Variants in VGLL3 observed in about 807,000 individuals in gnomAD.
VGLL3 encodes vestigial like family member 3.
In VGLL3, 18 loss-of-function variants were observed where a neutral mutation model predicts 29.2. The observed-to-expected ratio is 0.62, with a 90% CI of 0.43 to 0.91. The LOEUF is 0.91. Ranked by LOEUF, VGLL3 falls within the 40% of genes least tolerant of loss-of-function variation. The probability of loss-of-function intolerance (pLI) is 0.00; values close to 1 mark genes in which losing one functional copy is unlikely to be tolerated. For missense variants in VGLL3, 440 were observed against 413.2 expected (o/e 1.06, Z -0.56); for synonymous variants, 180 against 151.8 (o/e 1.19, Z -1.36).
At chr3:86,952,867 C>T (rs956729564) in intron 3 of VGLL3, among the ~76,000 whole-genome samples, 3 of 152,074 alleles carry the variant, frequency 2.0e-5, no homozygotes, top group Admixed American at 6.6e-5. Context: ...CAAAAAGGTG[C>T]GAGAGACAGT....
intron 3 of VGLL3, among the ~76,000 whole-genome samples, chr3:86,960,844 G>A (rs1239607488): frequency 2.0e-5 from 3 of 151,220 alleles, no homozygotes; most frequent in Non-Finnish European, 4.4e-5. Context: ...TTTTTTGAGA[G>A]GCAAAAGGTA....
At chr3:86,947,114 T>C (rs1263971809) in intron 3 of VGLL3, 47 bp from the exon 4 acceptor site, 2 of 778,332 alleles carry the variant, frequency 2.6e-6, no homozygotes, top group African/African-American at 1.7e-5. Flanking sequence ...TTAATACATA[T>C]GGTACCAAAA....
Position 86,943,755 on chromosome 3 carries a change from C to T in VGLL3, c.*3269G>A, listed in dbSNP as rs558416779. 1 of 152,020 alleles carries T rather than the reference C, an allele frequency of 6.6e-6. No homozygotes were observed. The highest frequency in any genetic ancestry group is 6.6e-5 in the Admixed American group (1 of 15,260). The allele number at this position is 152,020 out of a possible 1,614,324, so 9.4% of individuals were successfully genotyped here. On this transcript the variant is annotated 3_prime_UTR_variant, in exon 4 of 4. Transcript: ENST00000398399. ...GCTCTTTCAAATTAATAATGAGAGACAAAATAATCTGTTAGGTTCCTGATT... is the reference window on the plus strand; with the variant it reads ...GCTCTTTCAAATTAATAATGAGAGATAAAATAATCTGTTAGGTTCCTGATT...
intron 1 of VGLL3, among the ~76,000 whole-genome samples, chr3:86,980,129 T>C (rs1351853710): frequency 6.9e-6 from 1 of 144,338 alleles, no homozygotes; most frequent in Admixed American, 6.9e-5. Context: ...GATCATACCT[T>C]TTTTTTTTTT....
At chr3:86,985,442 A>T (rs1705421079) in intron 1 of VGLL3, among the ~76,000 whole-genome samples, 1 of 152,242 alleles carries the variant, frequency 6.6e-6, no homozygotes, top group Admixed American at 6.5e-5. Context: ...AATTTAAGTC[A>T]TTCTTCTTTT....
At chr3:86,971,493 A>T (rs529784789) in intron 2 of VGLL3, among the ~76,000 whole-genome samples, 1 of 152,330 alleles carries the variant, frequency 6.6e-6, no homozygotes, top group South Asian at 2.1e-4. Flanking sequence ...TTCAAAAGGC[A>T]AAGAATGGAA....
rs1704420785 is a variant in VGLL3, at chr3:86,942,517, A to G, written c.*4507T>C. 1 of 152,176 alleles carries G rather than the reference A, an allele frequency of 6.6e-6. No individual in the cohort carries two copies. The highest frequency in any genetic ancestry group is 1.5e-5 in the Non-Finnish European group (1 of 68,038). 9.4% of individuals were successfully genotyped at this position (152,176 alleles called of 1,614,324 possible). A position where few individuals can be genotyped will look rare whatever the true frequency, so the allele number is the denominator to read the frequency against. On this transcript the variant is annotated 3_prime_UTR_variant, in exon 4 of 4. Coordinates refer to ENST00000398399, the MANE Select transcript of VGLL3 (RefSeq NM_016206.4). ...CCAACTTTCCTTCAAGTCAAGTAAA[A>G]ATAAAAAAAAATTGGATAACTTCAA...
intron 2 of VGLL3, 55 bp downstream of exon 2, chr3:86,978,471 G>A (rs1705253512): frequency 6.3e-7 from 1 of 1,578,376 alleles, no homozygotes; most frequent in Admixed American, 1.7e-5. Flanking sequence ...ACCTGGTACA[G>A]GCAGTTGCGA....
At chr3:86,960,969 A>T (rs1248942148) in intron 3 of VGLL3, among the ~76,000 whole-genome samples, 3 of 146,136 alleles carry the variant, frequency 2.1e-5, no homozygotes, top group Non-Finnish European at 4.5e-5. Context: ...ATATATATGC[A>T]TATGATGTTG....
intron 3 of VGLL3, among the ~76,000 whole-genome samples, chr3:86,965,472 C>T (rs1463653916): frequency 3.3e-5 from 5 of 152,118 alleles, no homozygotes; most frequent in Admixed American, 3.3e-4. Flanking sequence ...CCCTTCCTAG[C>T]TTGGTCCTAC....
intron 3 of VGLL3, among the ~76,000 whole-genome samples, chr3:86,949,231 C>G (rs191540503): frequency 6.6e-6 from 1 of 152,116 alleles, no homozygotes; most frequent in Non-Finnish European, 1.5e-5. Context: ...TAAGATCGCC[C>G]CAGATTTTCC....
At chr3:86,975,105 G>A (rs562129986) in intron 2 of VGLL3, among the ~76,000 whole-genome samples, 49 of 152,292 alleles carry the variant, frequency 3.2e-4, no homozygotes, top group Admixed American at 7.2e-4. Flanking sequence ...GGAAGTTGAT[G>A]TAAGAGATTT....
At chr3:86,986,195 G>T (rs1705437975) in intron 1 of VGLL3, among the ~76,000 whole-genome samples, 1 of 152,012 alleles carries the variant, frequency 6.6e-6, no homozygotes, top group South Asian at 2.1e-4. Context: ...CCGGCTTTGT[G>T]AGATGTGAAA....
chr3:86,978,890 T>C, intron 1 of VGLL3, 88 bp from the exon 2 acceptor site: 1 of 1,386,452 alleles, frequency 7.2e-7, no homozygotes, highest in South Asian at 1.5e-5. Context: ...AAAAAAAGAA[T>C]CTAAATATTA....
At chr3:86,966,281 TC>T (rs763195856) in intron 3 of VGLL3, among the ~76,000 whole-genome samples, 9 of 152,058 alleles carry the variant, frequency 5.9e-5, no homozygotes, top group Admixed American at 2.0e-4. Flanking sequence ...CTCTAGATTT[TC>T]CCCAGAACTG....
At chr3:86,985,982 A>C (rs1279837418) in intron 1 of VGLL3, among the ~76,000 whole-genome samples, 2 of 151,982 alleles carry the variant, frequency 1.3e-5, no homozygotes, top group Non-Finnish European at 2.9e-5. Flanking sequence ...TTTTATTCCC[A>C]TTGAAAATTC....
chr3:86,977,416 T>C (rs1239164003), intron 2 of VGLL3, among the ~76,000 whole-genome samples: 1 of 152,212 alleles, frequency 6.6e-6, no homozygotes, highest in East Asian at 1.9e-4. Flanking sequence ...ACTGCTCACC[T>C]GGCCCTGCCC....
At position 86,946,798 on chromosome 3, in the gene VGLL3, G is replaced by C. The variant is rs563625974; in HGVS notation, c.*226C>G. On this transcript the variant is annotated 3_prime_UTR_variant, in exon 4 of 4. Coordinates refer to ENST00000398399, the MANE Select transcript of VGLL3 (RefSeq NM_016206.4). ...AACAAAAGGAGAGAGTTGCACAGTT[G>C]GCAAAGGCTCAGATGAGGAAATAAA... 1.7e-4 allele frequency: 75 copies of C among 454,378 alleles called. 3 individuals are homozygous for C. The South Asian group carries it at 3.3e-3, about 20-fold the overall frequency. 28.1% of individuals were successfully genotyped at this position (454,378 alleles called of 1,614,324 possible). A position where few individuals can be genotyped will look rare whatever the true frequency, so the allele number is the denominator to read the frequency against.
chr3:86,944,389 G>A lies in VGLL3; in HGVS notation c.*2635C>T, dbSNP rs1244444103. ...GCCTCCAGAGTAGCTGGGACAACAG[G>A]TGTGCCCCACAATGCCCAGGTAATT... On this transcript the variant is annotated 3_prime_UTR_variant, in exon 4 of 4. Coordinates refer to ENST00000398399, the MANE Select transcript of VGLL3 (RefSeq NM_016206.4). The A allele has an allele frequency of 6.6e-6, 1 of 152,414 alleles. No homozygotes were observed. Among genetic ancestry groups the A allele is most frequent in the African/African-American group, 2.4e-5 (1 of 41,440 alleles). 9.4% of individuals were successfully genotyped at this position (152,414 alleles called of 1,614,324 possible). A position where few individuals can be genotyped will look rare whatever the true frequency, so the allele number is the denominator to read the frequency against.
Sources: allele counts gnomAD v4.1 joint callset (sites outside exome capture counted in the v4.1 genomes callset), GRCh38; gene constraint gnomAD v4.1.1; transcripts MANE v1.5; gene names NCBI Gene and HGNC (gene_info 2026-07-23, HGNC 2026-07-21).